CHEK2: variants seen among roughly 807,000 people sequenced by gnomAD.
CHEK2 encodes serine/threonine-protein kinase Chk2.
Under a neutral mutation model 69.1 loss-of-function variants are expected in CHEK2, and 71 were observed. The ratio of observed to expected loss-of-function variants is 1.03; its 90% CI spans 0.85 to 1.25. The LOEUF (loss-of-function observed/expected upper bound fraction) is 1.25. CHEK2 is among the 50% of genes most tolerant of loss of function. The pLI is 0.00. For synonymous variants in CHEK2, 189 were observed against 226.9 expected (o/e 0.83, Z 1.50); for missense variants, 664 against 649.6 (o/e 1.02, Z -0.24).
chr22:28,722,539 C>CAAAAAAAAAAAAAAAAAAAAAAAAAAAA (rs755107963), intron 4 of CHEK2, among the ~76,000 whole-genome samples: 1 of 67,926 alleles, frequency 1.5e-5, no homozygotes, highest in African/African-American at 5.6e-5. Context: ...GACTCCGTCT[C>CAAAAAAAAAAAAAAAAAAAAAAAAAAAA]AAAAAAAAAA....
intron 2 of CHEK2, chr22:28,730,359 G>GAAAGGA (rs200932714): frequency 6.0e-6 from 3 of 502,490 alleles, no homozygotes; most frequent in South Asian, 3.1e-5. Context: ...GGGGAAAGGG[G>GAAAGGA]AAAGGAAAAG....
chr22:28,730,538 A>G lies in CHEK2; in HGVS notation c.319+3865T>C, dbSNP rs964218389. 22 of 697,130 alleles carry G rather than the reference A, an allele frequency of 3.2e-5. No individual in the cohort carries two copies. The East Asian group carries it at 5.7e-4, about 18-fold the overall frequency. The allele number at this position is 697,130 out of a possible 1,614,324, so 43.2% of individuals were successfully genotyped here. A position where few individuals can be genotyped will look rare whatever the true frequency, so the allele number is the denominator to read the frequency against. On this transcript the variant is annotated intron_variant, in intron 2 of 14. Transcript: ENST00000404276. Reference sequence around the variant, plus strand: ...CAAGATCAGATTGGGTAACATGGCCAGACTCTGTCTCTACAAAAAATAAAA... The same window carrying G: ...CAAGATCAGATTGGGTAACATGGCCGGACTCTGTCTCTACAAAAAATAAAA...
At chr22:28,692,444 G>A (rs888926140) in intron 13 of CHEK2, among the ~76,000 whole-genome samples, 10 of 151,416 alleles carry the variant, frequency 6.6e-5, no homozygotes, top group South Asian at 2.1e-4. Context: ...AGTTTCCAGG[G>A]CAACATCCAA....
At chr22:28,688,537 C>T (rs2052215214) in intron 14 of CHEK2, among the ~76,000 whole-genome samples, 1 of 152,122 alleles carries the variant, frequency 6.6e-6, no homozygotes, top group African/African-American at 2.4e-5. Flanking sequence ...GGCACAGTGG[C>T]GGACACCTGT....
At chr22:28,713,506 G>A (rs748721529) in intron 5 of CHEK2, among the ~76,000 whole-genome samples, 6 of 151,380 alleles carry the variant, frequency 4.0e-5, no homozygotes, top group Non-Finnish European at 7.4e-5. Flanking sequence ...ACAGGTACCC[G>A]CCACCACGCC....
Position 28,687,822 on chromosome 22 carries a change from A to G in CHEK2, c.*75T>C. 2.5e-6 allele frequency: 3 copies of G among 1,189,582 alleles called. No individual in the cohort carries two copies. Among genetic ancestry groups the G allele is most frequent in the Non-Finnish European group, 3.6e-6 (3 of 823,864 alleles). The allele number at this position is 1,189,582 out of a possible 1,614,324, so 73.7% of individuals were successfully genotyped here. On this transcript the variant is annotated 3_prime_UTR_variant, in exon 15 of 15. Coordinates refer to ENST00000404276, the MANE Select transcript of CHEK2 (RefSeq NM_007194.4). ...TCCCATAATTAAAATACAAACTATA[A>G]AAAAACAGACTCAAAGAAAAGAAAG...
chr22:28,731,591 G>A (rs1042075798), intron 2 of CHEK2, among the ~76,000 whole-genome samples: 4 of 152,050 alleles, frequency 2.6e-5, no homozygotes, highest in African/African-American at 7.2e-5. Flanking sequence ...GTGAGACTCC[G>A]TCTCAAATAA....
chr22:28,699,375 T>C (rs964543866), intron 9 of CHEK2, among the ~76,000 whole-genome samples: 15 of 141,796 alleles, frequency 1.1e-4, no homozygotes, highest in African/African-American at 3.1e-4. Context: ...TTTTTTTTTT[T>C]TTTTTTTTTG....
intron 6 of CHEK2, among the ~76,000 whole-genome samples, chr22:28,711,176 C>G (rs2053377225): frequency 6.6e-6 from 1 of 152,170 alleles, no homozygotes; most frequent in African/African-American, 2.4e-5. Flanking sequence ...ATTTGGCCAT[C>G]TCTCCCATAC....
At chr22:28,739,611 C>T (rs1226466085) in intron 1 of CHEK2, among the ~76,000 whole-genome samples, 2 of 151,800 alleles carry the variant, frequency 1.3e-5, no homozygotes, top group Non-Finnish European at 2.9e-5. Flanking sequence ...ATCTCTTGAA[C>T]CCGGGAGGCA....
chr22:28,712,656 G>A (rs1041534652), intron 5 of CHEK2, among the ~76,000 whole-genome samples: 1 of 152,168 alleles, frequency 6.6e-6, no homozygotes, highest in Non-Finnish European at 1.5e-5. Context: ...AGTTAATCCT[G>A]AGTAGGATCT....
At chr22:28,705,851 G>T (rs1046422904) in intron 7 of CHEK2, among the ~76,000 whole-genome samples, 1 of 152,056 alleles carries the variant, frequency 6.6e-6, no homozygotes, top group Non-Finnish European at 1.5e-5. Flanking sequence ...GCTTGTACCT[G>T]GGAATCGCTT....
chr22:28,698,808 G>C (rs762285884), intron 9 of CHEK2, among the ~76,000 whole-genome samples: 2 of 152,082 alleles, frequency 1.3e-5, no homozygotes, highest in Non-Finnish European at 2.9e-5. Context: ...TGCACCTGAA[G>C]GGAAACACCT....
intron 2 of CHEK2, among the ~76,000 whole-genome samples, chr22:28,729,540 CAAAAAAAA>C (rs58149342): frequency 0.062 from 5,127 of 83,166 alleles, 149 homozygotes; most frequent in Middle Eastern, 0.13. Context: ...GACTCCATCT[CAAAAAAAA>C]AAAAAAAAAA....
At chr22:28,735,863 C>T (rs2146169087) in intron 1 of CHEK2, among the ~76,000 whole-genome samples, 1 of 151,506 alleles carries the variant, frequency 6.6e-6, no homozygotes, top group Non-Finnish European at 1.5e-5. Context: ...GCCTGGGTGA[C>T]AGGAGTGAAA....
intron 9 of CHEK2, among the ~76,000 whole-genome samples, chr22:28,699,039 C>T (rs1342048864): frequency 2.0e-5 from 3 of 152,208 alleles, no homozygotes; most frequent in Non-Finnish European, 2.9e-5. Flanking sequence ...GAGCATCATT[C>T]TGTTGCCTAG....
chr22:28,703,379 G>A, intron 8 of CHEK2, 126 bp downstream of exon 8: 1 of 649,170 alleles, frequency 1.5e-6, no homozygotes, highest in South Asian at 1.8e-5. Flanking sequence ...GACTTTGTGG[G>A]CCCCACTACT....
intron 1 of CHEK2, among the ~76,000 whole-genome samples, chr22:28,738,900 C>T (rs2054486639): frequency 6.6e-6 from 1 of 152,178 alleles, no homozygotes; most frequent in African/African-American, 2.4e-5. Flanking sequence ...CCAAACTAGC[C>T]ATCTGACAAG....
At chr22:28,712,559 C>A (rs2053442609) in intron 5 of CHEK2, among the ~76,000 whole-genome samples, 1 of 152,208 alleles carries the variant, frequency 6.6e-6, no homozygotes, top group African/African-American at 2.4e-5. Flanking sequence ...AATCAGCCTA[C>A]TTTCAGCAAC....
Sources: allele counts gnomAD v4.1 joint callset (sites outside exome capture counted in the v4.1 genomes callset), GRCh38; gene constraint gnomAD v4.1.1; transcripts MANE v1.5; gene names NCBI Gene and HGNC (gene_info 2026-07-23, HGNC 2026-07-21).